Variants in GRIP2 observed in about 807,000 individuals in gnomAD.
GRIP2 encodes glutamate receptor interacting protein 2.
In GRIP2, 58 loss-of-function variants were observed where a neutral mutation model predicts 108.3. That is an observed-to-expected ratio of 0.54 (90% CI 0.43 to 0.67). The LOEUF (loss-of-function observed/expected upper bound fraction) is 0.67. Among genes scored for constraint, GRIP2 ranks in the 30% least tolerant of loss-of-function variants. The probability of loss-of-function intolerance (pLI) is 0.00; values close to 1 mark genes in which losing one functional copy is unlikely to be tolerated. For missense variants in GRIP2, 1,278 were observed against 1,430.6 expected (o/e 0.89, Z 1.72); for synonymous variants, 586 against 598.2 (o/e 0.98, Z 0.30).
rs1220918544 is a variant in GRIP2 at position 14,491,494 on chromosome 3, T to A, written c.*2171A>T. 6.6e-6 allele frequency: 1 copy of A among 152,160 alleles called. No homozygotes were observed. Among genetic ancestry groups the A allele is most frequent in the Admixed American group, 6.5e-5 (1 of 15,278 alleles). 9.4% of individuals were successfully genotyped at this position (152,160 alleles called of 1,614,324 possible). On this transcript the variant is annotated 3_prime_UTR_variant, in exon 24 of 24. Transcript: ENST00000621039. ...GGGAAAGGTGTCAGGAAATTTCAAG[T>A]CGGGGATGAACCATCCCCATGAGAA...
chr3:14,564,995 C>T, the GRIP2 span, among the ~76,000 whole-genome samples: 4 of 152,314 alleles, frequency 2.6e-5, no homozygotes, highest in African/African-American at 7.2e-5. Flanking sequence ...CACAGCACCC[C>T]GAGCACAAGG....
At chr3:14,544,659 C>T (rs981648363), upstream of GRIP2, among the ~76,000 whole-genome samples, 1 of 152,204 alleles carries the variant, frequency 6.6e-6, no homozygotes, top group Admixed American at 6.5e-5. Flanking sequence ...TCTGGGCTGT[C>T]CGTTGCTTCT....
chr3:14,547,250 G>C (rs1425935950), intron 1 of GRIP2, among the ~76,000 whole-genome samples: 2 of 152,338 alleles, frequency 1.3e-5, no homozygotes, highest in East Asian at 3.9e-4. Flanking sequence ...TTTATGTATT[G>C]AAATGTGGTG....
chr3:14,551,037 C>A (rs1695138867), intron 1 of GRIP2, among the ~76,000 whole-genome samples: 1 of 152,162 alleles, frequency 6.6e-6, no homozygotes, highest in Non-Finnish European at 1.5e-5. Context: ...AGGGGGGAGG[C>A]AGCAAGGCTT....
chr3:14,511,828 T>G lies in GRIP2; in HGVS notation c.1721-349A>C, dbSNP rs771882952. On this transcript the variant is annotated intron_variant, in intron 14 of 23. Coordinates refer to ENST00000621039, the MANE Select transcript of GRIP2 (RefSeq NM_001080423.4). The surrounding 1 kb of genome is among the most constrained non-coding windows in gnomAD (Gnocchi z 4.1). ...TCTTTGTGGAGGGGGGCTGTCTGCT[T>G]GGTGTCTGTGTCCCCAGCACCGGGC... Among the ~76,000 whole-genome samples, 5 of 152,134 alleles carry G rather than the reference T, an allele frequency of 3.3e-5. No homozygotes were observed. Among genetic ancestry groups the G allele is most frequent in the Non-Finnish European group, 7.4e-5 (5 of 68,018 alleles).
chr3:14,584,141 T>G, the GRIP2 span, among the ~76,000 whole-genome samples: 1 of 152,094 alleles, frequency 6.6e-6, no homozygotes, highest in African/African-American at 2.4e-5. Flanking sequence ...GGGGAGTAGC[T>G]CAGCTCAAGT....
chr3:14,508,799 T>C (rs73031864), intron 17 of GRIP2, among the ~76,000 whole-genome samples: 7,190 of 152,328 alleles, frequency 0.047, 265 homozygotes, highest in Middle Eastern at 0.1. Flanking sequence ...TTTGATTACA[T>C]GTTGAACTAA....
At chr3:14,517,019 A>T in intron 11 of GRIP2, 45 bp downstream of exon 11, 1 of 1,450,356 alleles carries the variant, frequency 6.9e-7, no homozygotes, top group South Asian at 1.5e-5. Context: ...CCTCACTCTC[A>T]GACATACAAG....
At chr3:14,573,533 G>A in the GRIP2 span, 19 of 1,482,822 alleles carry the variant, frequency 1.3e-5, no homozygotes, top group South Asian at 1.9e-4. Flanking sequence ...CCTGAGAGCA[G>A]AGCATGGCCT....
intron 1 of GRIP2, among the ~76,000 whole-genome samples, chr3:14,531,468 G>C (rs1453958920): frequency 1.3e-5 from 2 of 152,176 alleles, no homozygotes; most frequent in African/African-American, 2.4e-5. Flanking sequence ...CTCATTTTGC[G>C]GGGCTCTGCC....
the GRIP2 span, among the ~76,000 whole-genome samples, chr3:14,590,849 G>T: frequency 6.6e-6 from 1 of 152,172 alleles, no homozygotes; most frequent in Non-Finnish European, 1.5e-5. Context: ...TGCAAACCCA[G>T]GGTTGCCCGA....
the GRIP2 span, among the ~76,000 whole-genome samples, chr3:14,565,999 A>G: frequency 0.17 from 26,290 of 152,276 alleles, 2,450 homozygotes; most frequent in Middle Eastern, 0.29. Flanking sequence ...TGTGGGTCAC[A>G]GCACAGAGGC....
intron 23 of GRIP2, 74 bp from the exon 24 acceptor site, chr3:14,493,900 G>C: frequency 1.3e-6 from 2 of 1,513,238 alleles, no homozygotes; most frequent in Non-Finnish European, 1.8e-6. Flanking sequence ...AGAGGCATGT[G>C]ATGTCCTAAA....
At chr3:14,524,295 T>C in intron 4 of GRIP2, 98 bp downstream of exon 4, 2 of 1,378,140 alleles carry the variant, frequency 1.5e-6, no homozygotes, top group African/African-American at 1.4e-5. Flanking sequence ...ACCCACTCCA[T>C]CTGGCATGAT....
intron 1 of GRIP2, among the ~76,000 whole-genome samples, chr3:14,534,965 G>GTCT (rs1559350030): frequency 6.6e-6 from 1 of 152,046 alleles, no homozygotes; most frequent in African/African-American, 2.4e-5. Flanking sequence ...AAAGTCAGCC[G>GTCT]GCTTTGACTG....
At position 14,521,672 on chromosome 3, in the gene GRIP2, A is replaced by G. The variant is rs1479807724; in HGVS notation, c.682T>C (p.Phe228Leu). The change falls in exon 7 of 24, where the codon TTT (phenylalanine) becomes CTT (leucine). Residue 228 changes from phenylalanine (F) to leucine (L), a missense_variant. Phe to Leu is a conservative substitution (Grantham distance 22). Coordinates refer to ENST00000621039, the MANE Select transcript of GRIP2 (RefSeq NM_001080423.4). The surrounding 1 kb of genome is among the most constrained non-coding windows in gnomAD (Gnocchi z 5.1). ...TLRQCSHEAL[F>L]QVEYDVATPD... The stretch of plus-strand genomic sequence containing the variant: ...GTGGCCACATCATACTCCACCTGAA[A>G]GAGTGCCTCGTGGCTGCACTGCCGC... 1 of 1,612,060 alleles carries G rather than the reference A, an allele frequency of 6.2e-7. No homozygotes were observed. The highest frequency in any genetic ancestry group is 8.5e-7 in the Non-Finnish European group (1 of 1,179,142).
chr3:14,542,039 T>C (rs1168626774), upstream of GRIP2: 42 of 1,353,464 alleles, frequency 3.1e-5, no homozygotes, highest in Non-Finnish European at 4.1e-5. Flanking sequence ...TCGCCTCCAT[T>C]CCCTCCATCT....
the GRIP2 span, among the ~76,000 whole-genome samples, chr3:14,581,776 G>A: frequency 7.2e-5 from 11 of 152,288 alleles, no homozygotes; most frequent in African/African-American, 2.4e-4. Context: ...GGTCTCTTTC[G>A]CACTTGGGCA....
rs1206233185 is a variant in GRIP2, at chr3:14,521,714, T to G, written c.640A>C (p.Thr214Pro). 3 of 1,610,732 alleles carry G rather than the reference T, an allele frequency of 1.9e-6. No individual in the cohort carries two copies. Among genetic ancestry groups the G allele is most frequent in the Non-Finnish European group, 1.7e-6 (2 of 1,178,922 alleles). The change falls in exon 7 of 24, where the codon ACC (threonine) becomes CCC (proline). Residue 214 changes from threonine to proline, a missense_variant. Coordinates refer to ENST00000621039, the MANE Select transcript of GRIP2 (RefSeq NM_001080423.4). The surrounding 1 kb of genome is among the most constrained non-coding windows in gnomAD (Gnocchi z 5.1). ...GIPLHGASHA[T>P]ALATLRQCSH... ...CACTGCCGCAGGGTGGCCAGGGCGG[T>G]GGCATGGCTGGCCCCGTGCAGCGGG...
Sources: allele counts gnomAD v4.1 joint callset (sites outside exome capture counted in the v4.1 genomes callset), GRCh38; gene constraint gnomAD v4.1.1; non-coding constraint Gnocchi (gnomAD v3.1); transcripts MANE v1.5; gene names NCBI Gene and HGNC (gene_info 2026-07-23, HGNC 2026-07-21).